EPHA6: variants seen among roughly 807,000 people sequenced by gnomAD.
EPHA6 encodes EPH receptor A6.
EPHA6 carries 50 observed loss-of-function variants against 112.0 expected under a neutral mutation model. The ratio of observed to expected loss-of-function variants is 0.45; its 90% CI spans 0.36 to 0.56. EPHA6 has a LOEUF of 0.56. EPHA6 is among the 20% of genes least tolerant of loss of function. The pLI is 0.00. For missense variants in EPHA6, 1,280 were observed against 1,417.4 expected (o/e 0.90, Z 1.56); for synonymous variants, 529 against 490.7 (o/e 1.08, Z -1.03).
At chr3:96,936,431 T>C (rs1192758700) in intron 2 of EPHA6, among the ~76,000 whole-genome samples, 2 of 152,030 alleles carry the variant, frequency 1.3e-5, no homozygotes, top group East Asian at 1.9e-4. Flanking sequence ...ATTATAATGA[T>C]AGAGTATGAA....
At chr3:96,891,686 G>A (rs1023577990) in intron 2 of EPHA6, among the ~76,000 whole-genome samples, 2 of 152,142 alleles carry the variant, frequency 1.3e-5, no homozygotes, top group African/African-American at 4.8e-5. Flanking sequence ...TCCAGCATGG[G>A]CAACAAGAGT....
At chr3:97,237,839 C>T (rs1465812015) in intron 4 of EPHA6, among the ~76,000 whole-genome samples, 2 of 151,746 alleles carry the variant, frequency 1.3e-5, no homozygotes, top group East Asian at 3.9e-4. Context: ...TGATTTTTTC[C>T]ATGGTATTAG....
At position 96,814,615 on chromosome 3, in the gene EPHA6, CTG is replaced by C. The variant is rs2032596675; in HGVS notation, c.-6_-5del. ...GAATAGTCCTCGCGCAAGCGGGACA[CTG>C]TGGTGGATGCAATTCCCCTCGCCTC... On this transcript the variant is annotated 5_prime_UTR_variant, in exon 1 of 18. Coordinates refer to ENST00000389672, the MANE Select transcript of EPHA6 (RefSeq NM_001080448.3). 2 of 1,434,134 alleles carry C rather than the reference CTG, an allele frequency of 1.4e-6. No homozygotes were observed. The highest frequency in any genetic ancestry group is 2.5e-5 in the East Asian group (1 of 40,720). 88.8% of individuals were successfully genotyped at this position (1,434,134 alleles called of 1,614,324 possible). A position where few individuals can be genotyped will look rare whatever the true frequency, so the allele number is the denominator to read the frequency against.
intron 6 of EPHA6, among the ~76,000 whole-genome samples, chr3:97,410,987 A>G (rs1453857671): frequency 6.6e-6 from 1 of 152,034 alleles, no homozygotes; most frequent in Non-Finnish European, 1.5e-5. Context: ...TCTGAAGCAA[A>G]ATGCAGTAAA....
At chr3:97,013,043 G>A (rs2044145841) in intron 3 of EPHA6, among the ~76,000 whole-genome samples, 1 of 152,028 alleles carries the variant, frequency 6.6e-6, no homozygotes, top group South Asian at 2.1e-4. Context: ...CCATTCTGTA[G>A]GTTGTCTGTT....
chr3:97,432,514 T>G (rs1200846985), intron 6 of EPHA6, among the ~76,000 whole-genome samples: 4 of 152,184 alleles, frequency 2.6e-5, no homozygotes, highest in Admixed American at 6.5e-5. Flanking sequence ...AAGGCTTATG[T>G]TCACCTGTCT....
At chr3:96,957,574 G>A (rs2041808685) in intron 2 of EPHA6, among the ~76,000 whole-genome samples, 1 of 152,148 alleles carries the variant, frequency 6.6e-6, no homozygotes, top group African/African-American at 2.4e-5. Flanking sequence ...GTTAATTTCT[G>A]TCAACTTAGC....
intron 2 of EPHA6, among the ~76,000 whole-genome samples, chr3:96,936,695 G>T (rs560170710): frequency 6.6e-6 from 1 of 151,834 alleles, no homozygotes; most frequent in Non-Finnish European, 1.5e-5. Context: ...TGCCATGTTG[G>T]TGTGCTGCAC....
At chr3:97,725,035 A>G (rs1161704324) in intron 15 of EPHA6, among the ~76,000 whole-genome samples, 2 of 152,156 alleles carry the variant, frequency 1.3e-5, no homozygotes, top group Non-Finnish European at 2.9e-5. Flanking sequence ...AATGTAACCC[A>G]AAGTAACATA....
At chr3:97,234,715 T>G (rs552557627) in intron 4 of EPHA6, among the ~76,000 whole-genome samples, 6 of 152,258 alleles carry the variant, frequency 3.9e-5, no homozygotes, top group South Asian at 4.1e-4. Context: ...CTGTTAAATA[T>G]TAAATTTTCC....
chr3:97,220,341 G>T (rs907416344), intron 3 of EPHA6, among the ~76,000 whole-genome samples: 6 of 151,996 alleles, frequency 3.9e-5, no homozygotes, highest in East Asian at 3.9e-4. Flanking sequence ...TTCCAAAGAC[G>T]CTTCCACACT....
intron 3 of EPHA6, among the ~76,000 whole-genome samples, chr3:97,184,640 C>T (rs776888405): frequency 6.6e-6 from 1 of 152,074 alleles, no homozygotes. Flanking sequence ...CCATACTGCC[C>T]AAAGTAAGTT....
chr3:96,964,429 G>A (rs965350997), intron 2 of EPHA6, among the ~76,000 whole-genome samples: 17 of 151,958 alleles, frequency 1.1e-4, no homozygotes, highest in Non-Finnish European at 2.2e-4. Flanking sequence ...TGTTTGAGGG[G>A]GAAACTTTAA....
At chr3:97,504,869 C>A (rs1007045118) in intron 10 of EPHA6, among the ~76,000 whole-genome samples, 1 of 151,988 alleles carries the variant, frequency 6.6e-6, no homozygotes, top group Non-Finnish European at 1.5e-5. Flanking sequence ...TGTACATTTT[C>A]CATGTTATTA....
chr3:97,542,386 T>C lies in EPHA6; in HGVS notation c.2386+9843T>C, dbSNP rs182984428. ...TCTGATATTTTGCTGAGAATGATGG[T>C]TTCCAGTTTCATCCATGTCCCTACA... On this transcript the variant is annotated intron_variant, in intron 11 of 17. Coordinates refer to ENST00000389672, the MANE Select transcript of EPHA6 (RefSeq NM_001080448.3). Among the ~76,000 whole-genome samples, 26 of 152,278 alleles carry C rather than the reference T, an allele frequency of 1.7e-4. 1 individual carries two copies. In the East Asian group the frequency reaches 4.6e-3, roughly 27 times the overall value.
At chr3:97,694,319 C>A (rs1037207443) in intron 14 of EPHA6, among the ~76,000 whole-genome samples, 2 of 151,946 alleles carry the variant, frequency 1.3e-5, no homozygotes, top group Non-Finnish European at 1.5e-5. Context: ...TCACTGCAAC[C>A]TTTGCCTCCC....
intron 1 of EPHA6, among the ~76,000 whole-genome samples, chr3:96,854,335 A>G (rs2035569720): frequency 6.6e-6 from 1 of 151,778 alleles, no homozygotes; most frequent in Admixed American, 6.6e-5. Context: ...GCACGCCACC[A>G]CACCCAGCTA....
chr3:97,589,606 T>TCAGTCCTAATTTGCGA (rs1307758392), intron 11 of EPHA6, among the ~76,000 whole-genome samples: 3 of 152,184 alleles, frequency 2.0e-5, no homozygotes, highest in Non-Finnish European at 4.4e-5. Flanking sequence ...ATGCCTTTCC[T>TCAGTCCTAATTTGCGA]CAGTCCTAAT....
intron 14 of EPHA6, among the ~76,000 whole-genome samples, chr3:97,695,696 A>C (rs937081975): frequency 6.6e-6 from 1 of 152,164 alleles, no homozygotes; most frequent in Non-Finnish European, 1.5e-5. Flanking sequence ...AAGTGCCACC[A>C]TGCCCAGCTA....
Sources: allele counts gnomAD v4.1 joint callset (sites outside exome capture counted in the v4.1 genomes callset), GRCh38; gene constraint gnomAD v4.1.1; transcripts MANE v1.5; gene names NCBI Gene and HGNC (gene_info 2026-07-23, HGNC 2026-07-21).